The following CLCNKA variants were observed in gnomAD, a reference collection of about 807,000 sequenced individuals.
CLCNKA encodes the protein chloride channel protein ClC-Ka.
In CLCNKA, 66 loss-of-function variants were observed where a neutral mutation model predicts 83.3. The ratio of observed to expected loss-of-function variants is 0.79; its 90% CI spans 0.65 to 0.97. The LOEUF (loss-of-function observed/expected upper bound fraction) is 0.97, where lower values mean the gene tolerates loss of function less well. Ranked by LOEUF, CLCNKA falls within the 50% of genes least tolerant of loss-of-function variation. The probability of loss-of-function intolerance (pLI) is 0.00; values close to 1 mark genes in which losing one functional copy is unlikely to be tolerated. For synonymous variants in CLCNKA, 357 were observed against 370.4 expected (o/e 0.96, Z 0.42); for missense variants, 806 against 888.7 (o/e 0.91, Z 1.18).
chr1:16,027,755 G>A, intron 8 of CLCNKA, 66 bp from the exon 9 acceptor site: 1 of 1,432,356 alleles, frequency 7.0e-7, no homozygotes, highest in Admixed American at 2.0e-5. Context: ...TGGGCTGTTA[G>A]TCTGGGACTT....
At chr1:16,028,943 G>A in intron 11 of CLCNKA, 98 bp downstream of exon 11, 2 of 1,514,866 alleles carry the variant, frequency 1.3e-6, no homozygotes, top group South Asian at 1.1e-5. Context: ...CCACCAGGGT[G>A]ACACCTGGGC....
Position 16,023,758 on chromosome 1 carries a change from C to T in CLCNKA, c.101-42C>T, listed in dbSNP as rs781072864. 3.7e-6 allele frequency: 6 copies of T among 1,612,460 alleles called. No homozygotes were observed. In the East Asian group the frequency reaches 1.1e-4, roughly 30 times the overall value. ...CTCCAGGGAAGGGGCTGTCTGTGCCCCTTGCCCCAACATAAGCTGGGACTC... is the reference window on the plus strand; with the variant it reads ...CTCCAGGGAAGGGGCTGTCTGTGCCTCTTGCCCCAACATAAGCTGGGACTC... On this transcript the variant is annotated intron_variant, in intron 2 of 19. Transcript: ENST00000331433.
intron 7 of CLCNKA, 24 bp from the exon 8 acceptor site, chr1:16,027,286 A>T (rs1409847902): frequency 6.8e-6 from 11 of 1,612,152 alleles, no homozygotes; most frequent in Non-Finnish European, 9.3e-6. Context: ...GTGGGGGCCC[A>T]CCTGACATCA....
chr1:16,028,916 G>A (rs1260181107), intron 11 of CLCNKA, 71 bp downstream of exon 11: 15 of 1,567,274 alleles, frequency 9.6e-6, no homozygotes, highest in African/African-American at 1.4e-5. Flanking sequence ...TGTGTCTCAC[G>A]TAATACCCTC....
At chr1:16,023,715 G>C in intron 2 of CLCNKA, 85 bp from the exon 3 acceptor site, 1 of 1,556,290 alleles carries the variant, frequency 6.4e-7, no homozygotes, top group East Asian at 2.3e-5. Context: ...GGTCCTCCCT[G>C]CCTGGAGCCA....
At chr1:16,032,148 C>T in intron 16 of CLCNKA, 55 bp from the exon 17 acceptor site, 1 of 1,538,658 alleles carries the variant, frequency 6.5e-7, no homozygotes, top group South Asian at 1.1e-5. Flanking sequence ...AAGCTTGGCC[C>T]TCAGGCCTGT....
At chr1:16,028,656 C>T (rs750334457) in intron 10 of CLCNKA, 105 bp from the exon 11 acceptor site, 1 of 1,386,722 alleles carries the variant, frequency 7.2e-7, no homozygotes, top group Non-Finnish European at 1.0e-6. Flanking sequence ...TCGGTATCAG[C>T]CCCCAGGTGG....
chr1:16,030,089 G>A lies in CLCNKA; in HGVS notation c.1408+14G>A, dbSNP rs545834171. ...ATGCTCTGGCAGGTGAGTGGGTCACGGCCCTGCTGGGTGGGCAATGTCGTG... is the reference window on the plus strand; with the variant it reads ...ATGCTCTGGCAGGTGAGTGGGTCACAGCCCTGCTGGGTGGGCAATGTCGTG... On this transcript the variant is annotated intron_variant, in intron 14 of 19. Coordinates refer to ENST00000331433, the MANE Select transcript of CLCNKA (RefSeq NM_004070.4). 1.7e-5 allele frequency: 26 copies of A among 1,555,666 alleles called. No homozygotes were observed. The highest frequency in any genetic ancestry group is 1.7e-4 in the South Asian group (15 of 90,016).
rs770167994 is a variant in CLCNKA at position 16,033,136 on chromosome 1, A to G, written c.1930-34A>G. On this transcript the variant is annotated intron_variant, in intron 18 of 19. Coordinates refer to ENST00000331433, the MANE Select transcript of CLCNKA (RefSeq NM_004070.4). ...CCAGAGGGTGGGCTGGGCGCCATCT[A>G]CCCTCCAGTGTTTCCTAACAATCCC... 5 of 1,608,328 alleles carry G rather than the reference A, an allele frequency of 3.1e-6. No individual in the cohort carries two copies. In the Admixed American group the frequency reaches 8.3e-5, roughly 27 times the overall value.
In CLCNKA at chr1:16,033,152, T is replaced by C. The variant is rs1477222211; in HGVS notation, c.1930-18T>C. 1.2e-6 allele frequency: 2 copies of C among 1,613,556 alleles called. No homozygotes were observed. Among genetic ancestry groups the C allele is most frequent in the Non-Finnish European group, 1.7e-6 (2 of 1,179,598 alleles). On this transcript the variant is annotated intron_variant, in intron 18 of 19. Coordinates refer to ENST00000331433, the MANE Select transcript of CLCNKA (RefSeq NM_004070.4). ...GCGCCATCTACCCTCCAGTGTTTCC[T>C]AACAATCCCCCATCCAGGCACAAAA...
In CLCNKA at chr1:16,029,889, A is replaced by G. The variant is rs2124047475; in HGVS notation, c.1298-76A>G. The G allele has an allele frequency of 5.0e-6, 8 of 1,602,170 alleles. No individual in the cohort carries two copies. The East Asian group carries it at 8.9e-5, about 18-fold the overall frequency. On this transcript the variant is annotated intron_variant, in intron 13 of 19. Transcript: ENST00000331433. ...GTTCACCCTCTTCCCGGGTGGTACT[A>G]AGGATGGTCCTCAGGGATGGAGGGC...
chr1:16,026,567 C>T lies in CLCNKA; in HGVS notation c.530C>T (p.Ala177Val). ...GPFVHLSVMIAAYLGRVRTTT... is the reference protein window; with the variant it reads ...GPFVHLSVMIVAYLGRVRTTT... Reference sequence around the variant, plus strand: ...TTCGTGCACCTGTCTGTAATGATCGCTGCCTACCTGGGCCGTGTGCGCACC... The same window carrying T: ...TTCGTGCACCTGTCTGTAATGATCGTTGCCTACCTGGGCCGTGTGCGCACC... Residue 177 changes from alanine to valine, a missense_variant, in exon 6 of 20, where the codon GCT becomes GTT. Transcript: ENST00000331433. 1 of 1,614,080 alleles carries T rather than the reference C, an allele frequency of 6.2e-7. No homozygotes were observed. The highest frequency in any genetic ancestry group is 8.5e-7 in the Non-Finnish European group (1 of 1,180,018).
intron 2 of CLCNKA, among the ~76,000 whole-genome samples, chr1:16,023,138 G>C (rs902889005): frequency 1.3e-5 from 2 of 152,192 alleles, no homozygotes; most frequent in African/African-American, 4.8e-5. Flanking sequence ...CCTCAGCTAC[G>C]GGGCAGAGCA....
At position 16,033,224 on chromosome 1, in the gene CLCNKA, G is replaced by T. The variant is rs1388455649; in HGVS notation, c.1984G>T (p.Gly662Cys). The T allele has an allele frequency of 4.3e-6, 7 of 1,614,150 alleles. No homozygotes were observed. The highest frequency in any genetic ancestry group is 5.1e-6 in the Non-Finnish European group (6 of 1,180,028). ...NLQSLFVTSR[G>C]RAVGCVSWVE... is the part of the protein sequence containing the mutation. Reference sequence around the variant, plus strand: ...TCAGTCCCTCTTCGTGACATCGCGGGGCAGAGCTGTGGGCTGCGTGTCCTG... The same window carrying T: ...TCAGTCCCTCTTCGTGACATCGCGGTGCAGAGCTGTGGGCTGCGTGTCCTG... The change falls in exon 19 of 20, where the codon GGC (glycine) becomes TGC (cysteine). Residue 662 changes from glycine to cysteine, a missense_variant. By Grantham distance (159) the Gly-to-Cys change is radical. Transcript: ENST00000331433.
At chr1:16,026,477 C>T in intron 5 of CLCNKA, 59 bp from the exon 6 acceptor site, 1 of 1,584,416 alleles carries the variant, frequency 6.3e-7, no homozygotes, top group Non-Finnish European at 8.5e-7. Flanking sequence ...GGAAGCCGTG[C>T]TGCCTCGGGG....
chr1:16,029,208 C>G lies in CLCNKA; in HGVS notation c.1136C>G (p.Pro379Arg). Residue 379 changes from proline (P) to arginine (R), a missense_variant, in exon 12 of 20, where the codon CCC becomes CGC. Pro to Arg is a moderately radical substitution (Grantham distance 103, BLOSUM62 -2). Coordinates refer to ENST00000331433, the MANE Select transcript of CLCNKA (RefSeq NM_004070.4). Reference protein sequence around the residue: ...LMTQNSSPPWPEELDPQHLWW... With the variant: ...LMTQNSSPPWREELDPQHLWW... ...ACCCAGAACTCCAGCCCACCCTGGCCCGAGGAGCTCGACCCCCAGCACCTT... is the reference window on the plus strand; with the variant it reads ...ACCCAGAACTCCAGCCCACCCTGGCGCGAGGAGCTCGACCCCCAGCACCTT... The G allele has an allele frequency of 6.2e-7, 1 of 1,613,588 alleles. No individual in the cohort carries two copies. Among genetic ancestry groups the G allele is most frequent in the African/African-American group, 1.3e-5 (1 of 75,052 alleles).
At chr1:16,027,678 C>T in intron 8 of CLCNKA, 143 bp from the exon 9 acceptor site, 2 of 1,549,388 alleles carry the variant, frequency 1.3e-6, no homozygotes, top group Middle Eastern at 2.0e-4. Context: ...GAGGCAAGAG[C>T]CTGGTTGTGG....
rs1557458426 is a variant in CLCNKA at position 16,033,225 on chromosome 1, G to T, written c.1985G>T (p.Gly662Val). 6.2e-7 allele frequency: 1 copy of T among 1,614,164 alleles called. No individual in the cohort carries two copies. The highest frequency in any genetic ancestry group is 1.1e-5 in the South Asian group (1 of 91,078). The change falls in exon 19 of 20, where the codon GGC becomes GTC. Residue 662 changes from glycine to valine, a missense_variant. By Grantham distance (109) the Gly-to-Val change is moderately radical. Coordinates refer to ENST00000331433, the MANE Select transcript of CLCNKA (RefSeq NM_004070.4). ...CAGTCCCTCTTCGTGACATCGCGGG[G>T]CAGAGCTGTGGGCTGCGTGTCCTGG... ...NLQSLFVTSRGRAVGCVSWVE... is the reference protein window; with the variant it reads ...NLQSLFVTSRVRAVGCVSWVE...
chr1:16,024,611 C>T (rs1038110258), intron 3 of CLCNKA, 152 bp from the exon 4 acceptor site: 75 of 1,074,306 alleles, frequency 7.0e-5, no homozygotes, highest in Non-Finnish European at 8.6e-5. Flanking sequence ...GGGTCGTACT[C>T]CTGCCTTTTC....
Sources: gnomAD v4.1 joint callset for allele counts (sites outside exome capture counted in the v4.1 genomes callset) on GRCh38, gnomAD v4.1.1 for gene constraint, MANE v1.5 for transcripts, NCBI Gene and HGNC (gene_info 2026-07-23, HGNC 2026-07-21) for gene names.